WDR26: variants seen among roughly 807,000 people sequenced by gnomAD.
WDR26 encodes the protein WD repeat-containing protein 26.
WDR26 carries 5 observed loss-of-function variants against 84.1 expected under a neutral mutation model. The ratio of observed to expected loss-of-function variants is 0.06; its 90% CI spans 0.03 to 0.13. The LOEUF is 0.13. WDR26 is among the 10% of genes least tolerant of loss of function. The probability of loss-of-function intolerance (pLI) is 1.00; values close to 1 mark genes in which losing one functional copy is unlikely to be tolerated. For missense variants in WDR26, 642 were observed against 974.9 expected (o/e 0.66, Z 4.55); for synonymous variants, 415 against 389.6 (o/e 1.07, Z -0.77).
At chr1:224,433,621 T>TACCCCC (rs1491525327) in intron 1 of WDR26, 63 bp downstream of exon 1, 1 of 606,076 alleles carries the variant, frequency 1.6e-6, no homozygotes, top group Non-Finnish European at 2.1e-6. Context: ...CCCCTTCCCC[T>TACCCCC]ACCCCCCTGG....
At chr1:224,406,651 A>G (rs2102899695) in intron 7 of WDR26, among the ~76,000 whole-genome samples, 1 of 152,206 alleles carries the variant, frequency 6.6e-6, no homozygotes, top group East Asian at 1.9e-4. Flanking sequence ...GGAAGTGGGT[A>G]AGAGGTATTT....
At chr1:224,419,253 CT>C (rs1228088670) in intron 5 of WDR26, among the ~76,000 whole-genome samples, 2 of 152,150 alleles carry the variant, frequency 1.3e-5, no homozygotes, top group African/African-American at 4.8e-5. Context: ...TAACACAGTA[CT>C]TTTCCCCCAA....
At chr1:224,407,359 T>C (rs1227927044) in intron 7 of WDR26, among the ~76,000 whole-genome samples, 2 of 148,054 alleles carry the variant, frequency 1.4e-5, no homozygotes, top group Non-Finnish European at 3.0e-5. Context: ...GTAAAATTCA[T>C]CTTTTTTAGG....
At chr1:224,410,158 G>A (rs1673694103) in intron 7 of WDR26, among the ~76,000 whole-genome samples, 1 of 151,536 alleles carries the variant, frequency 6.6e-6, no homozygotes, top group African/African-American at 2.4e-5. Context: ...GCAAGCGCTT[G>A]TAATCCCAGC....
chr1:224,434,572 C>T lies in WDR26; in HGVS notation c.-167G>A, dbSNP rs2102932078. On this transcript the variant is annotated 5_prime_UTR_variant, in exon 1 of 14. Coordinates refer to ENST00000414423, the MANE Select transcript of WDR26 (RefSeq NM_001379403.1). Reference sequence around the variant, plus strand: ...GGGAGAAGGAGGATCCGGGCCCTTTCCCCCCCCCCTCCCGGAGGCAGCTCG... The same window carrying T: ...GGGAGAAGGAGGATCCGGGCCCTTTTCCCCCCCCCTCCCGGAGGCAGCTCG... 1 of 255,746 alleles carries T rather than the reference C, an allele frequency of 3.9e-6. No homozygotes were observed. Among genetic ancestry groups the T allele is most frequent in the Non-Finnish European group, 5.8e-6 (1 of 172,156 alleles). 15.8% of individuals were successfully genotyped at this position (255,746 alleles called of 1,614,324 possible).
rs1673451472 is a variant in WDR26 at position 224,402,730 on chromosome 1, T to G, written c.1600-1661A>C. On this transcript the variant is annotated intron_variant, in intron 8 of 13. Coordinates refer to ENST00000414423, the MANE Select transcript of WDR26 (RefSeq NM_001379403.1). ...TTTTCATTGATCTTCTAGGTCAGACTCACTGCAAGCTCTGTTTTACTGAGA... is the reference window on the plus strand; with the variant it reads ...TTTTCATTGATCTTCTAGGTCAGACGCACTGCAAGCTCTGTTTTACTGAGA... Among the ~76,000 whole-genome samples, 4 of 152,208 alleles carry G rather than the reference T, an allele frequency of 2.6e-5. No individual in the cohort carries two copies. In the South Asian group the frequency reaches 8.3e-4, roughly 31 times the overall value.
At chr1:224,408,313 G>C (rs1261516108) in intron 7 of WDR26, among the ~76,000 whole-genome samples, 2 of 152,114 alleles carry the variant, frequency 1.3e-5, no homozygotes, top group Non-Finnish European at 2.9e-5. Context: ...TGCTGTTCCA[G>C]TAGGCTCTCT....
At chr1:224,395,180 G>A (rs1325014386) in intron 12 of WDR26, among the ~76,000 whole-genome samples, 1 of 152,136 alleles carries the variant, frequency 6.6e-6, no homozygotes, top group South Asian at 2.1e-4. Flanking sequence ...ACCTGTAAAT[G>A]GGGATACTAA....
At chr1:224,395,334 T>C (rs1673230643) in intron 12 of WDR26, among the ~76,000 whole-genome samples, 1 of 152,170 alleles carries the variant, frequency 6.6e-6, no homozygotes, top group Non-Finnish European at 1.5e-5. Flanking sequence ...ATTAGAAAGG[T>C]GTATAACTTA....
intron 7 of WDR26, among the ~76,000 whole-genome samples, chr1:224,406,537 C>T (rs1314765264): frequency 1.3e-5 from 2 of 152,168 alleles, no homozygotes; most frequent in African/African-American, 2.4e-5. Flanking sequence ...ATTGTTTCTT[C>T]ACTGAACCCT....
intron 6 of WDR26, among the ~76,000 whole-genome samples, chr1:224,414,219 C>T (rs1225109206): frequency 2.0e-5 from 3 of 151,904 alleles, no homozygotes; most frequent in Non-Finnish European, 2.9e-5. Context: ...AATTCTCCTG[C>T]TTCAGCCTCC....
chr1:224,433,608 C>T, intron 1 of WDR26, 76 bp downstream of exon 1: 1 of 654,564 alleles, frequency 1.5e-6, no homozygotes, highest in Non-Finnish European at 2.2e-6. Context: ...CCTCCCCCCT[C>T]CGCCCCTTCC....
intron 3 of WDR26, chr1:224,430,789 C>T (rs1674368639): frequency 6.6e-6 from 1 of 152,192 alleles, no homozygotes; most frequent in Admixed American, 6.5e-5. Flanking sequence ...TCCTCTCTCC[C>T]TCACCACCAT....
intron 4 of WDR26, among the ~76,000 whole-genome samples, chr1:224,420,999 CAA>C (rs777025544): frequency 6.6e-6 from 1 of 152,108 alleles, no homozygotes; most frequent in East Asian, 1.9e-4. Flanking sequence ...TAAAATTTTA[CAA>C]AAGTGACTTA....
rs2405033 is a variant in WDR26 at position 224,433,666 on chromosome 1, G to C, written c.722+18C>G. On this transcript the variant is annotated intron_variant, in intron 1 of 13. Coordinates refer to ENST00000414423, the MANE Select transcript of WDR26 (RefSeq NM_001379403.1). ...CCCTCGGTCTGTCCATCACCAGCTGGCGGTAAGGGATACTTACTTGAGCCC... is the reference window on the plus strand; with the variant it reads ...CCCTCGGTCTGTCCATCACCAGCTGCCGGTAAGGGATACTTACTTGAGCCC... 1,453,669 of 1,453,726 alleles carry C rather than the reference G, an allele frequency of 1. 726,806 individuals are homozygous for C. Among genetic ancestry groups the C allele is most frequent in the Middle Eastern group, 1 (4,352 of 4,352 alleles). 90.1% of individuals were successfully genotyped at this position (1,453,726 alleles called of 1,614,324 possible).
intron 6 of WDR26, among the ~76,000 whole-genome samples, chr1:224,414,889 T>C (rs936238552): frequency 7.2e-5 from 11 of 152,300 alleles, no homozygotes; most frequent in African/African-American, 2.6e-4. Context: ...AAATTAGCTG[T>C]GTGGTGGTCC....
At chr1:224,396,664 A>G (rs1217281090) in intron 12 of WDR26, among the ~76,000 whole-genome samples, 1 of 152,224 alleles carries the variant, frequency 6.6e-6, no homozygotes, top group Non-Finnish European at 1.5e-5. Context: ...GAAAGAAAGA[A>G]TTGATGAATT....
chr1:224,423,532 G>A (rs1436399575), intron 4 of WDR26, among the ~76,000 whole-genome samples: 1 of 152,202 alleles, frequency 6.6e-6, no homozygotes, highest in Non-Finnish European at 1.5e-5. Context: ...GATTGCTTAA[G>A]GTTAGGAGGA....
At position 224,401,025 on chromosome 1, in the gene WDR26, A is replaced by G. The variant is rs1673398286; in HGVS notation, c.1644T>C (p.Ser548=). The G allele has an allele frequency of 3.1e-6, 5 of 1,613,950 alleles. No homozygotes were observed. Among genetic ancestry groups the G allele is most frequent in the Non-Finnish European group, 4.2e-6 (5 of 1,180,018 alleles). ...CTGGATTCCAAGCCACACTTGTCAA[A>G]CTGTCTTCATGAGACTGGCTCATTT... The change falls in exon 9 of 14, where the codon AGT becomes AGC. Residue 548 remains serine, a synonymous_variant. Coordinates refer to ENST00000414423, the MANE Select transcript of WDR26 (RefSeq NM_001379403.1).
Sources: gnomAD v4.1 joint callset for allele counts (sites outside exome capture counted in the v4.1 genomes callset) on GRCh38, gnomAD v4.1.1 for gene constraint, MANE v1.5 for transcripts, NCBI Gene and HGNC (gene_info 2026-07-23, HGNC 2026-07-21) for gene names.